Variants in LITAF observed in about 807,000 individuals in gnomAD.
LITAF encodes lipopolysaccharide-induced tumor necrosis factor-alpha factor.
Under a neutral mutation model 14.5 loss-of-function variants are expected in LITAF, and 9 were observed. The ratio of observed to expected loss-of-function variants is 0.62; its 90% CI spans 0.37 to 1.08. The LOEUF (loss-of-function observed/expected upper bound fraction) is 1.08. Ranked by LOEUF, LITAF falls within the 50% of genes least tolerant of loss-of-function variation. The pLI, the probability that LITAF is intolerant of heterozygous loss-of-function variation, is 0.01. For synonymous variants in LITAF, 98 were observed against 88.2 expected, an observed-to-expected ratio of 1.11 and a Z score of -0.62; for missense variants, 206 against 213.4, an observed-to-expected ratio of 0.97 and a Z score of 0.22.
chr16:11,589,708 T>C (rs548824409), upstream of LITAF, among the ~76,000 whole-genome samples: 272 of 138,844 alleles, frequency 2.0e-3, 2 homozygotes, highest in Middle Eastern at 3.9e-3. Flanking sequence ...AGCCTTGACC[T>C]CCTGAGCTCA....
chr16:11,596,407 C>A (rs1597365553), intron 1 of LITAF, among the ~76,000 whole-genome samples: 1 of 143,908 alleles, frequency 6.9e-6, no homozygotes, highest in Non-Finnish European at 1.5e-5. Context: ...ACAAAACATA[C>A]CCAGGTCACA....
intron 3 of LITAF, among the ~76,000 whole-genome samples, chr16:11,630,261 T>A (rs1358810412): frequency 6.6e-6 from 1 of 152,114 alleles, no homozygotes; most frequent in African/African-American, 2.4e-5. Flanking sequence ...GCATGACTGA[T>A]CGATTGGTTT....
intron 3 of LITAF, among the ~76,000 whole-genome samples, chr16:11,627,587 T>C (rs2065091751): frequency 6.6e-6 from 1 of 152,246 alleles, no homozygotes; most frequent in South Asian, 2.1e-4. Flanking sequence ...CTCACGCCTG[T>C]AATCCCAGCA....
chr16:11,565,405 G>A (rs1281729768), intron 1 of LITAF, among the ~76,000 whole-genome samples: 3 of 113,794 alleles, frequency 2.6e-5, no homozygotes. Flanking sequence ...CTTTTAAATG[G>A]TTATCTTTAT....
intron 1 of LITAF, among the ~76,000 whole-genome samples, chr16:11,557,286 G>T (rs551850645): frequency 6.6e-6 from 1 of 151,908 alleles, no homozygotes; most frequent in East Asian, 1.9e-4. Context: ...ACTCTTGGAA[G>T]AGGAAGAAGA....
intron 1 of LITAF, among the ~76,000 whole-genome samples, chr16:11,560,648 T>C (rs994601210): frequency 2.0e-5 from 3 of 151,962 alleles, no homozygotes; most frequent in African/African-American, 7.3e-5. Flanking sequence ...TTTCTGCTCC[T>C]AATATACAGC....
At chr16:11,584,556 TCTA>T (rs1287122257) in intron 1 of LITAF, among the ~76,000 whole-genome samples, 3 of 152,192 alleles carry the variant, frequency 2.0e-5, no homozygotes, top group Non-Finnish European at 4.4e-5. Context: ...CTTCCACAGC[TCTA>T]CTGAGACCCT....
intron 2 of LITAF, among the ~76,000 whole-genome samples, chr16:11,555,203 T>C (rs147932356): frequency 7.2e-5 from 11 of 152,218 alleles, no homozygotes; most frequent in Admixed American, 2.0e-4. Context: ...CAGCTAATTT[T>C]ATTTTCATAG....
chr16:11,597,516 G>A (rs1226363371), intron 1 of LITAF, among the ~76,000 whole-genome samples: 1 of 152,136 alleles, frequency 6.6e-6, no homozygotes. Context: ...GGCCCAGAGA[G>A]GTCAGGCAGG....
intron 1 of LITAF, among the ~76,000 whole-genome samples, chr16:11,568,637 T>G (rs1428779458): frequency 6.6e-6 from 1 of 151,752 alleles, no homozygotes; most frequent in Admixed American, 6.6e-5. Context: ...GTGCTCCACC[T>G]TCAGTGCTTG....
At position 11,547,792 on chromosome 16, in the gene LITAF, C is replaced by A. The variant is rs1289268545; in HGVS notation, c.*1845G>T. 1 of 453,984 alleles carries A rather than the reference C, an allele frequency of 2.2e-6. No individual in the cohort carries two copies. The highest frequency in any genetic ancestry group is 2.0e-5 in the African/African-American group (1 of 49,988). 28.1% of individuals were successfully genotyped at this position (453,984 alleles called of 1,614,324 possible). ...GCCATCAATGACGCCTATTGGGTTC[C>A]AATAGCCTCATGTTCAAATCTGACT... On this transcript the variant is annotated 3_prime_UTR_variant, in exon 4 of 4. Transcript: ENST00000622633.
At chr16:11,633,072 C>G (rs1309347031) in intron 3 of LITAF, among the ~76,000 whole-genome samples, 1 of 152,182 alleles carries the variant, frequency 6.6e-6, no homozygotes, top group Admixed American at 6.5e-5. Context: ...GCCCCGTCAC[C>G]CCTGCATACA....
intron 3 of LITAF, among the ~76,000 whole-genome samples, chr16:11,633,225 A>G (rs1054081079): frequency 3.3e-5 from 5 of 152,322 alleles, no homozygotes; most frequent in Admixed American, 3.3e-4. Flanking sequence ...GAAGTGGCCC[A>G]GCCTGAGTAT....
At chr16:11,550,435 G>C (rs1380821191) in intron 3 of LITAF, among the ~76,000 whole-genome samples, 1 of 152,138 alleles carries the variant, frequency 6.6e-6, no homozygotes, top group Admixed American at 6.6e-5. Context: ...AGAATTGTGA[G>C]AGTTAATATC....
chr16:11,576,268 A>G (rs895302310), intron 1 of LITAF, among the ~76,000 whole-genome samples: 12 of 152,074 alleles, frequency 7.9e-5, no homozygotes, highest in Non-Finnish European at 5.9e-5. Context: ...CAGGAGTTCG[A>G]GACCAGCCTG....
chr16:11,573,225 C>T (rs1287156624), intron 1 of LITAF, among the ~76,000 whole-genome samples: 3 of 152,064 alleles, frequency 2.0e-5, no homozygotes, highest in Admixed American at 6.6e-5. Flanking sequence ...CCACTGCACC[C>T]GGCCATAAAA....
intron 1 of LITAF, among the ~76,000 whole-genome samples, chr16:11,572,923 T>A (rs2064567440): frequency 7.6e-6 from 1 of 131,126 alleles, no homozygotes; most frequent in Non-Finnish European, 1.6e-5. Context: ...TTTCTGCACA[T>A]CTCAAGCTCT....
intron 1 of LITAF, among the ~76,000 whole-genome samples, chr16:11,560,582 C>CAAAA (rs57634636): frequency 8.4e-6 from 1 of 118,962 alleles, no homozygotes. Flanking sequence ...GATTCCATCT[C>CAAAA]AAAAAAAAAA....
chr16:11,564,719 G>A (rs1201445527), intron 1 of LITAF, among the ~76,000 whole-genome samples: 3 of 152,150 alleles, frequency 2.0e-5, no homozygotes, highest in East Asian at 3.8e-4. Flanking sequence ...GAAGCCCGGG[G>A]TGGCCAGCCT....
Sources: allele counts gnomAD v4.1 joint callset (sites outside exome capture counted in the v4.1 genomes callset), GRCh38; gene constraint gnomAD v4.1.1; transcripts MANE v1.5; gene names NCBI Gene and HGNC (gene_info 2026-07-23, HGNC 2026-07-21).